SNX6: variants seen among roughly 807,000 people sequenced by gnomAD.
The protein encoded by SNX6 is sorting nexin-6.
Under a neutral mutation model 63.0 loss-of-function variants are expected in SNX6, and 34 were observed. That is an observed-to-expected ratio of 0.54 (90% CI 0.41 to 0.72). The LOEUF (loss-of-function observed/expected upper bound fraction) is 0.72, where lower values mean the gene tolerates loss of function less well. SNX6 is among the 30% of genes least tolerant of loss of function. The pLI is 0.00. For synonymous variants in SNX6, 170 were observed against 164.2 expected (o/e 1.04, Z -0.27); for missense variants, 398 against 471.4 (o/e 0.84, Z 1.44).
intron 2 of SNX6, among the ~76,000 whole-genome samples, chr14:34,610,831 T>C (rs1883199978): frequency 1.3e-5 from 2 of 152,134 alleles, no homozygotes; most frequent in African/African-American, 2.4e-5. Flanking sequence ...AAATAGACTG[T>C]TTCAAAGACA....
At chr14:34,584,858 CTTT>C (rs561675800) in intron 9 of SNX6, among the ~76,000 whole-genome samples, 1 of 149,166 alleles carries the variant, frequency 6.7e-6, no homozygotes, top group Admixed American at 6.7e-5. Flanking sequence ...TTTCTTTTTT[CTTT>C]TTTTTTCTGA....
intron 9 of SNX6, among the ~76,000 whole-genome samples, chr14:34,583,776 C>T (rs925402974): frequency 6.6e-5 from 10 of 151,444 alleles, no homozygotes; most frequent in Non-Finnish European, 1.3e-4. Context: ...GACAGATTTA[C>T]GTTAGAGAAC....
intron 13 of SNX6, among the ~76,000 whole-genome samples, chr14:34,565,299 G>A (rs867207573): frequency 3.3e-5 from 5 of 151,420 alleles, no homozygotes; most frequent in Admixed American, 6.6e-5. Context: ...GGATGGTCTC[G>A]ATCTCCTGAC....
At chr14:34,609,571 G>A (rs1325313479) in intron 3 of SNX6, 67 bp downstream of exon 3, 2 of 823,156 alleles carry the variant, frequency 2.4e-6, no homozygotes, top group Non-Finnish European at 3.8e-6. Context: ...ACCCAAGTCT[G>A]GTCAACATAT....
rs1366268313 is a variant in SNX6 at position 34,565,601 on chromosome 14, C to T, written c.1167+2085G>A. Among the ~76,000 whole-genome samples the T allele has an allele frequency of 5.9e-5, 9 of 152,106 alleles. 1 individual carries two copies. Among genetic ancestry groups the T allele is most frequent in the Admixed American group, 4.6e-4 (7 of 15,252 alleles). On this transcript the variant is annotated intron_variant, in intron 13 of 13. Coordinates refer to ENST00000362031, the MANE Select transcript of SNX6 (RefSeq NM_152233.4). ...GCGCAATCTTGGCTCACGGCAACCTCCGCCTCCCGGGTTCGAGCGATCGTC... is the reference window on the plus strand; with the variant it reads ...GCGCAATCTTGGCTCACGGCAACCTTCGCCTCCCGGGTTCGAGCGATCGTC...
intron 13 of SNX6, among the ~76,000 whole-genome samples, chr14:34,564,998 T>TG (rs1881106436): frequency 6.6e-6 from 1 of 151,996 alleles, no homozygotes; most frequent in Non-Finnish European, 1.5e-5. Flanking sequence ...TGAATGAACT[T>TG]GGCTGCGTTC....
chr14:34,610,682 A>C (rs1296242369), intron 2 of SNX6, among the ~76,000 whole-genome samples: 2 of 152,142 alleles, frequency 1.3e-5, no homozygotes, highest in Non-Finnish European at 2.9e-5. Flanking sequence ...TCTCATCTAT[A>C]AGAAGACTCT....
rs76890256 is a variant in SNX6 at position 34,581,848 on chromosome 14, G to A, written c.795-248C>T. Reference sequence around the variant, plus strand: ...TCATTTGATTTTTGTTTTTTTTTGCGATGGAGTTTCACGCTTGTTGCGCAG... The same window carrying A: ...TCATTTGATTTTTGTTTTTTTTTGCAATGGAGTTTCACGCTTGTTGCGCAG... On this transcript the variant is annotated intron_variant, in intron 9 of 13. Transcript: ENST00000362031. Among the ~76,000 whole-genome samples the A allele has an allele frequency of 2.4e-3, 367 of 150,722 alleles. 4 individuals carry two copies. The highest frequency in any genetic ancestry group is 0.014 in the East Asian group (74 of 5,152).
chr14:34,605,183 A>G (rs977342520), intron 5 of SNX6, among the ~76,000 whole-genome samples: 27 of 152,218 alleles, frequency 1.8e-4, no homozygotes, highest in Admixed American at 7.9e-4. Flanking sequence ...GCCCACATTG[A>G]AAAAAGAGAA....
At chr14:34,584,762 TAGAG>T (rs138178248) in intron 9 of SNX6, among the ~76,000 whole-genome samples, 6 of 151,230 alleles carry the variant, frequency 4.0e-5, no homozygotes, top group African/African-American at 1.5e-4. Flanking sequence ...AAAATATATA[TAGAG>T]AGAGAGAGTA....
chr14:34,602,590 C>CAA (rs200915421), intron 6 of SNX6, among the ~76,000 whole-genome samples: 3 of 116,154 alleles, frequency 2.6e-5, no homozygotes, highest in Admixed American at 9.1e-5. Flanking sequence ...GACTCTGTCT[C>CAA]AAAAAAAAAA....
chr14:34,596,408 C>T (rs144718835), intron 7 of SNX6, among the ~76,000 whole-genome samples: 3,448 of 151,640 alleles, frequency 0.023, 69 homozygotes, highest in Non-Finnish European at 0.031. Flanking sequence ...ATCACGAGGT[C>T]AAGAGTTCGA....
chr14:34,620,679 G>A (rs1231444792), intron 2 of SNX6, among the ~76,000 whole-genome samples: 1 of 151,982 alleles, frequency 6.6e-6, no homozygotes, highest in Non-Finnish European at 1.5e-5. Context: ...GGTGGCTCAC[G>A]CCTGTAATCT....
rs1330188621 is a variant in SNX6, at chr14:34,608,029, C to T, written c.270+1G>A. The T allele has an allele frequency of 2.0e-6, 3 of 1,504,852 alleles. No individual in the cohort carries two copies. The highest frequency in any genetic ancestry group is 2.7e-6 in the Non-Finnish European group (3 of 1,094,458). The allele number at this position is 1,504,852 out of a possible 1,614,324, so 93.2% of individuals were successfully genotyped here. ...AATTAAAATGGAGTCTCAATACTTA[C>T]GATATAACCTGCATAGTCTTCATTT... is the stretch of plus-strand genomic sequence containing the variant. On this transcript the variant is annotated splice_donor_variant, in intron 4 of 13. Coordinates refer to ENST00000362031, the MANE Select transcript of SNX6 (RefSeq NM_152233.4). LOFTEE classifies it high-confidence loss of function.
chr14:34,576,892 A>AC (rs1431382407), intron 10 of SNX6, among the ~76,000 whole-genome samples: 2 of 149,226 alleles, frequency 1.3e-5, no homozygotes, highest in African/African-American at 4.9e-5. Flanking sequence ...GACCAGCCTG[A>AC]CCAACATGGT....
intron 9 of SNX6, among the ~76,000 whole-genome samples, chr14:34,583,386 A>C (rs537997226): frequency 1.3e-5 from 2 of 152,158 alleles, no homozygotes; most frequent in African/African-American, 4.8e-5. Flanking sequence ...TAAACTATTT[A>C]GTTAAAAGTG....
Position 34,609,730 on chromosome 14 carries a change from T to C in SNX6, c.67A>G (p.Asn23Asp). 2 of 1,607,810 alleles carry C rather than the reference T, an allele frequency of 1.2e-6. No homozygotes were observed. The highest frequency in any genetic ancestry group is 1.7e-6 in the Non-Finnish European group (2 of 1,175,964). Residue 23 changes from asparagine (N) to aspartate (D), a missense_variant, in exon 3 of 14, where the codon AAT becomes GAT. Asn to Asp is a conservative substitution (Grantham distance 23). Transcript: ENST00000362031. ...GCAGCATCACTTTGAAGATCTACAT[T>C]TATTGCTTTAAGCTAGAAAAAGAAA... Reference protein sequence around the residue: ...SEEDRGLKAINVDLQSDAALQ... With the variant: ...SEEDRGLKAIDVDLQSDAALQ...
At chr14:34,581,133 G>A (rs1006279253) in intron 10 of SNX6, among the ~76,000 whole-genome samples, 4 of 152,022 alleles carry the variant, frequency 2.6e-5, no homozygotes, top group South Asian at 2.1e-4. Context: ...GATTTAAATC[G>A]CCAAACGGTT....
intron 9 of SNX6, 27 bp downstream of exon 9, chr14:34,586,203 T>C (rs762444298): frequency 1.9e-5 from 28 of 1,460,012 alleles, no homozygotes; most frequent in Non-Finnish European, 2.6e-5. Flanking sequence ...GCCCAGCCTA[T>C]TTCACGTTTT....
Sources: allele counts gnomAD v4.1 joint callset (sites outside exome capture counted in the v4.1 genomes callset), GRCh38; gene constraint gnomAD v4.1.1; transcripts MANE v1.5; gene names NCBI Gene and HGNC (gene_info 2026-07-23, HGNC 2026-07-21).